The following MS4A14 variants were observed in gnomAD, a reference collection of about 807,000 sequenced individuals.
MS4A14 encodes the protein membrane-spanning 4-domains subfamily A member 14.
Under a neutral mutation model 16.7 loss-of-function variants are expected in MS4A14, and 18 were observed. The ratio of observed to expected loss-of-function variants is 1.08; its 90% CI spans 0.75 to 1.60. The LOEUF (loss-of-function observed/expected upper bound fraction) is 1.60. Ranked by LOEUF, MS4A14 falls within the 40% of genes most tolerant of loss-of-function variation. The pLI, the probability that MS4A14 is intolerant of heterozygous loss-of-function variation, is 0.00. For synonymous variants in MS4A14, 305 were observed against 289.4 expected (o/e 1.05, Z -0.55); for missense variants, 812 against 775.3 (o/e 1.05, Z -0.56).
intron 4 of MS4A14, chr11:60,404,462 C>T (rs1162837980): frequency 4.5e-6 from 2 of 441,678 alleles, no homozygotes; most frequent in Non-Finnish European, 9.1e-6. Flanking sequence ...TCCTGTAAAA[C>T]GTATGATGAT....
intron 3 of MS4A14, among the ~76,000 whole-genome samples, 195 bp downstream of exon 3, chr11:60,400,649 C>G (rs1404653333): frequency 6.6e-6 from 1 of 152,150 alleles, no homozygotes; most frequent in African/African-American, 2.4e-5. Flanking sequence ...TTTCCCTGGT[C>G]AAGTAAACTA....
At chr11:60,398,137 T>C in intron 2 of MS4A14, 157 bp downstream of exon 2, 1 of 620,782 alleles carries the variant, frequency 1.6e-6, no homozygotes, top group South Asian at 2.0e-5. Context: ...ATTTGGTCAC[T>C]GCACTACCAT....
intron 2 of MS4A14, among the ~76,000 whole-genome samples, chr11:60,400,058 C>A (rs986127980): frequency 6.6e-6 from 1 of 152,170 alleles, no homozygotes; most frequent in African/African-American, 2.4e-5. Context: ...CTCCCTTCAC[C>A]TGCTCAGAAC....
intron 4 of MS4A14, 112 bp from the exon 5 acceptor site, chr11:60,415,325 A>C: frequency 2.6e-6 from 3 of 1,139,016 alleles, no homozygotes; most frequent in East Asian, 4.9e-5. Context: ...TCTCATTTAG[A>C]TGTTATTTCC....
rs369184782 is a variant in MS4A14, at chr11:60,398,008, A to G, written c.267+28A>G. 2,250 of 1,609,790 alleles carry G rather than the reference A, an allele frequency of 1.4e-3. 42 individuals are homozygous for G. In the South Asian group the frequency reaches 0.023, roughly 16 times the overall value. On this transcript the variant is annotated intron_variant, in intron 2 of 4. Coordinates refer to ENST00000300187, the MANE Select transcript of MS4A14 (RefSeq NM_032597.5). ...GAGTACTGTCGATTAGAAGCTTTGG[A>G]GAAATTGCTATAAAGATAGATTTGA... is the stretch of plus-strand genomic sequence containing the variant.
intron 4 of MS4A14, among the ~76,000 whole-genome samples, chr11:60,413,815 G>A (rs955055136): frequency 6.6e-6 from 1 of 152,052 alleles, no homozygotes; most frequent in African/African-American, 2.4e-5. Flanking sequence ...TTCTGTGCTT[G>A]AAAGTATTAT....
rs950072752 is a variant in MS4A14, at chr11:60,417,141, A to G, written c.*133A>G. 1.0e-5 allele frequency: 11 copies of G among 1,094,058 alleles called. No individual in the cohort carries two copies. The highest frequency in any genetic ancestry group is 2.4e-4 in the Middle Eastern group (1 of 4,206). The allele number at this position is 1,094,058 out of a possible 1,614,324, so 67.8% of individuals were successfully genotyped here. A position where few individuals can be genotyped will look rare whatever the true frequency, so the allele number is the denominator to read the frequency against. ...CTATACCAAGAAGTCCAAACCCAGC[A>G]CGCAACAGCCCAACATAACCTAGAA... On this transcript the variant is annotated 3_prime_UTR_variant, in exon 5 of 5. Coordinates refer to ENST00000300187, the MANE Select transcript of MS4A14 (RefSeq NM_032597.5).
At chr11:60,400,927 C>G (rs1040168564) in intron 3 of MS4A14, among the ~76,000 whole-genome samples, 2 of 152,178 alleles carry the variant, frequency 1.3e-5, no homozygotes, top group Admixed American at 6.5e-5. Context: ...AAACCTTGCT[C>G]TAACCAAAAC....
intron 2 of MS4A14, 96 bp downstream of exon 2, chr11:60,398,076 C>T (rs944791437): frequency 1.5e-6 from 2 of 1,362,142 alleles, no homozygotes; most frequent in Admixed American, 4.8e-5. Flanking sequence ...AAATATGGCC[C>T]TCCAGGAGAC....
At chr11:60,414,708 T>C (rs1377342616) in intron 4 of MS4A14, among the ~76,000 whole-genome samples, 1 of 152,114 alleles carries the variant, frequency 6.6e-6, no homozygotes, top group African/African-American at 2.4e-5. Context: ...CATCTAATAA[T>C]ATCAGTAATA....
At chr11:60,397,668 G>A (rs2085646704) in intron 1 of MS4A14, among the ~76,000 whole-genome samples, 184 bp from the exon 2 acceptor site, 1 of 152,148 alleles carries the variant, frequency 6.6e-6, no homozygotes, top group African/African-American at 2.4e-5. Context: ...ATCCAGGCAA[G>A]CAAAGTGGGA....
rs938885777 is a variant in MS4A14 at position 60,409,309 on chromosome 11, G to A, written c.469-6128G>A. ...TTATACCCATTGACCAATCCTTCCC[G>A]GTCCTCCCATCCTCCCTACCTTCCC... On this transcript the variant is annotated intron_variant, in intron 4 of 4. Transcript: ENST00000300187. 6.6e-5 allele frequency among the ~76,000 whole-genome samples: 10 copies of A among 151,758 alleles called. 1 individual carries two copies. The South Asian group carries it at 8.3e-4, about 13-fold the overall frequency.
At position 60,416,098 on chromosome 11, in the gene MS4A14, C is replaced by T; in HGVS notation, c.1130C>T (p.Ser377Phe). The stretch of plus-strand genomic sequence containing the variant: ...GATATGCTGTTTCATGACATGACAT[C>T]CCAAGATATGCAATCCCTAGATATG... ...SQDMLFHDMT[S>F]QDMQSLDMLS... The change falls in exon 5 of 5, where the codon TCC becomes TTC. Residue 377 changes from serine to phenylalanine, a missense_variant. Physicochemically the swap from Ser to Phe is radical, Grantham distance 155 (BLOSUM62 -2). Coordinates refer to ENST00000300187, the MANE Select transcript of MS4A14 (RefSeq NM_032597.5). 2 of 1,609,712 alleles carry T rather than the reference C, an allele frequency of 1.2e-6. No homozygotes were observed. Among genetic ancestry groups the T allele is most frequent in the South Asian group, 2.2e-5 (2 of 90,600 alleles).
Position 60,417,179 on chromosome 11 carries a change from CAAGAT to C in MS4A14, c.*174_*178del. Reference sequence around the variant, plus strand: ...ACATAACCTAGAATGTCAAGACACTCAAGATAAAGACCAACAAGACCTTCAATCCA... The same window carrying C: ...ACATAACCTAGAATGTCAAGACACTCAAAGACCAACAAGACCTTCAATCCA... On this transcript the variant is annotated 3_prime_UTR_variant, in exon 5 of 5. Transcript: ENST00000300187. The C allele has an allele frequency of 2.7e-6, 2 of 744,550 alleles. No homozygotes were observed. The highest frequency in any genetic ancestry group is 3.3e-5 in the Admixed American group (1 of 30,292). The allele number at this position is 744,550 out of a possible 1,614,324, so 46.1% of individuals were successfully genotyped here.
chr11:60,415,389 T>C (rs961454783), intron 4 of MS4A14, 48 bp from the exon 5 acceptor site: 1 of 1,515,300 alleles, frequency 6.6e-7, no homozygotes, highest in African/African-American at 1.4e-5. Flanking sequence ...AAAAAAAAAA[T>C]CAGACATGAT....
chr11:60,399,319 G>A (rs537357582), intron 2 of MS4A14, among the ~76,000 whole-genome samples: 84 of 152,312 alleles, frequency 5.5e-4, no homozygotes, highest in South Asian at 1.0e-3. Context: ...CTCACTAGGC[G>A]AAGTGGAAGG....
intron 4 of MS4A14, among the ~76,000 whole-genome samples, chr11:60,405,156 C>G (rs1318527546): frequency 1.3e-5 from 2 of 151,916 alleles, no homozygotes; most frequent in East Asian, 3.9e-4. Context: ...CTCGGCTCAC[C>G]ACAACCTCCG....
chr11:60,400,773 G>C (rs1262084566), intron 3 of MS4A14, among the ~76,000 whole-genome samples: 1 of 152,170 alleles, frequency 6.6e-6, no homozygotes, highest in Non-Finnish European at 1.5e-5. Context: ...AACATCTGAA[G>C]ACATTTTTGG....
At chr11:60,412,446 T>A (rs1446018280) in intron 4 of MS4A14, among the ~76,000 whole-genome samples, 22 of 151,936 alleles carry the variant, frequency 1.4e-4, no homozygotes, top group Non-Finnish European at 1.5e-5. Flanking sequence ...TCTTCTTGAA[T>A]CATTTTAGGT....
Sources: gnomAD v4.1 joint callset for allele counts (sites outside exome capture counted in the v4.1 genomes callset) on GRCh38, gnomAD v4.1.1 for gene constraint, MANE v1.5 for transcripts, NCBI Gene and HGNC (gene_info 2026-07-23, HGNC 2026-07-21) for gene names.